Variants in INSL6 observed in about 807,000 individuals in gnomAD.
INSL6 encodes the protein insulin like 6.
Under a neutral mutation model 9.4 loss-of-function variants are expected in INSL6, and 16 were observed. The ratio of observed to expected loss-of-function variants is 1.70; its 90% CI spans 1.15 to 2.59. The LOEUF is 2.59. INSL6 is among the 30% of genes most tolerant of loss of function. The pLI, the probability that INSL6 is intolerant of heterozygous loss-of-function variation, is 0.00. For synonymous variants in INSL6, 154 were observed against 96.9 expected (o/e 1.59, Z -3.46); for missense variants, 391 against 257.3 (o/e 1.52, Z -3.56).
chr9:5,137,970 CAT>C (rs145273598), intron 2 of INSL6, among the ~76,000 whole-genome samples: 49,883 of 151,854 alleles, frequency 0.33, 8,452 homozygotes, highest in African/African-American at 0.42. Flanking sequence ...GGCCAAAAAA[CAT>C]ATGAAACAAA....
chr9:5,111,397 C>T, the INSL6 span: 1 of 402,936 alleles, frequency 2.5e-6, no homozygotes, highest in Non-Finnish European at 4.8e-6. Flanking sequence ...CAGAGGCGGA[C>T]AGCGGCCTGG....
chr9:5,078,639 T>A, the INSL6 span, among the ~76,000 whole-genome samples: 3 of 152,310 alleles, frequency 2.0e-5, no homozygotes, highest in Admixed American at 2.0e-4. Context: ...CATATAACCA[T>A]GGACTGTGAG....
chr9:5,164,209 A>G lies in INSL6; in HGVS notation c.346T>C (p.Tyr116His), dbSNP rs753550479. Reference protein sequence around the residue: ...NSWEMQSLPEYKDKKGYSPLG... With the variant: ...NSWEMQSLPEHKDKKGYSPLG... ...GGTGAATATCCCTTTTTATCCTTAT[A>G]CTCAGGTAGTGACTGCATTTCCCAA... The change falls in exon 2 of 2, where the codon TAT becomes CAT. Residue 116 changes from tyrosine to histidine, a missense_variant. Transcript: ENST00000381641. 1.2e-6 allele frequency: 2 copies of G among 1,607,148 alleles called. No homozygotes were observed. The highest frequency in any genetic ancestry group is 1.7e-5 in the Admixed American group (1 of 58,928).
chr9:5,070,998 C>T, the INSL6 span, among the ~76,000 whole-genome samples: 1 of 152,066 alleles, frequency 6.6e-6, no homozygotes, highest in African/African-American at 2.4e-5. Flanking sequence ...AAAATTCACC[C>T]ACTAGCAAGC....
chr9:5,170,257 G>C (rs1368065522), intron 1 of INSL6, among the ~76,000 whole-genome samples: 1 of 152,148 alleles, frequency 6.6e-6, no homozygotes, highest in East Asian at 1.9e-4. Context: ...TGACTCCTGG[G>C]TAAATGATAA....
the INSL6 span, among the ~76,000 whole-genome samples, chr9:4,998,805 T>A: frequency 6.6e-6 from 1 of 151,964 alleles, no homozygotes; most frequent in Non-Finnish European, 1.5e-5. Context: ...TAATTTATAT[T>A]TTCTTCTCTT....
chr9:5,000,823 A>T, the INSL6 span, among the ~76,000 whole-genome samples: 2 of 152,172 alleles, frequency 1.3e-5, no homozygotes, highest in African/African-American at 2.4e-5. Flanking sequence ...GGTGGTTGGG[A>T]TATGTATAAA....
chr9:5,158,729 A>C (rs1471303702), intron 2 of INSL6, among the ~76,000 whole-genome samples: 4 of 152,204 alleles, frequency 2.6e-5, no homozygotes, highest in African/African-American at 4.8e-5. Context: ...CATCAACACC[A>C]GATCTGTCCC....
At chr9:5,116,967 A>G in the INSL6 span, among the ~76,000 whole-genome samples, 2 of 152,260 alleles carry the variant, frequency 1.3e-5, no homozygotes, top group Admixed American at 6.5e-5. Flanking sequence ...ATGACATTTC[A>G]ACGATTGGTT....
At chr9:5,078,160 A>G in the INSL6 span, 3 of 577,474 alleles carry the variant, frequency 5.2e-6, no homozygotes, top group African/African-American at 3.8e-5. Context: ...GGAGTCATAA[A>G]TTTCCTTTTT....
rs150520611 is a variant in INSL6 at position 5,170,399 on chromosome 9, T to C, written c.290-6134A>G. ...GCGCTAAATGCCCATATCAAAAAGG[T>C]AGATCTCAAATCAACACCCTAACGT... On this transcript the variant is annotated intron_variant, in intron 1 of 1. Coordinates refer to ENST00000381641, the MANE Select transcript of INSL6 (RefSeq NM_007179.3). Among the ~76,000 whole-genome samples the C allele has an allele frequency of 5.9e-3, 889 of 151,750 alleles. 9 individuals are homozygous for C. The highest frequency in any genetic ancestry group is 0.021 in the African/African-American group (850 of 41,438).
At chr9:5,020,540 G>A in the INSL6 span, among the ~76,000 whole-genome samples, 1 of 152,154 alleles carries the variant, frequency 6.6e-6, no homozygotes, top group South Asian at 2.1e-4. Context: ...GTTGCTGTCA[G>A]TGGGAGCAGT....
chr9:5,149,037 T>C (rs1824658955), intron 2 of INSL6, among the ~76,000 whole-genome samples: 1 of 152,192 alleles, frequency 6.6e-6, no homozygotes, highest in South Asian at 2.1e-4. Flanking sequence ...TAGGCACTTA[T>C]GGCCAGTCTC....
the INSL6 span, chr9:5,112,624 C>T: frequency 5.1e-6 from 5 of 977,784 alleles, no homozygotes; most frequent in Admixed American, 2.6e-5. Context: ...GGCAACTGCA[C>T]CTCAACAGCG....
At chr9:5,139,749 C>G (rs188576610) in intron 2 of INSL6, among the ~76,000 whole-genome samples, 2 of 152,302 alleles carry the variant, frequency 1.3e-5, no homozygotes, top group East Asian at 3.9e-4. Flanking sequence ...CACAGCCAGG[C>G]TAGAGCCCAG....
At chr9:5,022,343 C>G in the INSL6 span, 16 of 590,408 alleles carry the variant, frequency 2.7e-5, no homozygotes, top group Non-Finnish European at 4.3e-5. Flanking sequence ...TGTGTGTTTT[C>G]ACATGCATAG....
At chr9:5,042,362 C>G in the INSL6 span, among the ~76,000 whole-genome samples, 1 of 151,802 alleles carries the variant, frequency 6.6e-6, no homozygotes, top group African/African-American at 2.4e-5. Context: ...TGGTCTCGAT[C>G]TCCTGACCTC....
the INSL6 span, among the ~76,000 whole-genome samples, chr9:5,106,710 T>G: frequency 2.0e-5 from 3 of 152,296 alleles, no homozygotes; most frequent in Non-Finnish European, 4.4e-5. Context: ...CAAGGAATAC[T>G]ATGCAGCCAT....
At chr9:5,116,968 A>G in the INSL6 span, among the ~76,000 whole-genome samples, 2 of 152,242 alleles carry the variant, frequency 1.3e-5, no homozygotes, top group Non-Finnish European at 2.9e-5. Flanking sequence ...TGACATTTCA[A>G]CGATTGGTTG....
Sources: gnomAD v4.1 joint callset for allele counts (sites outside exome capture counted in the v4.1 genomes callset) on GRCh38, gnomAD v4.1.1 for gene constraint, MANE v1.5 for transcripts, NCBI Gene and HGNC (gene_info 2026-07-23, HGNC 2026-07-21) for gene names.